The following FSTL5 variants were observed in gnomAD, a reference collection of about 807,000 sequenced individuals.
FSTL5 encodes follistatin like 5.
In FSTL5, 62 loss-of-function variants were observed where a neutral mutation model predicts 89.1. The observed-to-expected ratio is 0.70, with a 90% confidence interval of 0.57 to 0.86. The LOEUF is 0.86. FSTL5 is among the 40% of genes least tolerant of loss of function. The probability of loss-of-function intolerance (pLI) is 0.00; values close to 1 mark genes in which losing one functional copy is unlikely to be tolerated. For synonymous variants in FSTL5, 383 were observed against 346.2 expected, an observed-to-expected ratio of 1.11 and a Z score of -1.18; for missense variants, 1,057 against 1,001.6, an observed-to-expected ratio of 1.06 and a Z score of -0.75.
chr4:161,954,517 A>G (rs1734977901), intron 3 of FSTL5, among the ~76,000 whole-genome samples: 1 of 151,650 alleles, frequency 6.6e-6, no homozygotes, highest in South Asian at 2.1e-4. Context: ...ATATACCTGT[A>G]AAGTATGTGT....
chr4:161,431,996 A>T (rs2126342785), intron 15 of FSTL5, among the ~76,000 whole-genome samples: 1 of 152,262 alleles, frequency 6.6e-6, no homozygotes, highest in African/African-American at 2.4e-5. Context: ...AAAGAGAAAT[A>T]GACCCTAATA....
At chr4:161,686,487 T>C (rs1357162416) in intron 6 of FSTL5, among the ~76,000 whole-genome samples, 1 of 148,380 alleles carries the variant, frequency 6.7e-6, no homozygotes, top group African/African-American at 2.5e-5. Context: ...GCCTCCTGAG[T>C]AGCTGGGACC....
chr4:161,555,129 A>G (rs72687525), intron 8 of FSTL5, among the ~76,000 whole-genome samples: 11,334 of 151,666 alleles, frequency 0.075, 536 homozygotes, highest in Middle Eastern at 0.17. Context: ...TCTTAGGGTC[A>G]TAAACTTCGG....
intron 7 of FSTL5, among the ~76,000 whole-genome samples, chr4:161,648,943 C>A (rs541957900): frequency 4.7e-4 from 72 of 152,244 alleles, no homozygotes; most frequent in African/African-American, 1.6e-3. Flanking sequence ...GTTCTTCGGG[C>A]AATGGTTCAG....
chr4:162,001,168 T>C (rs1736452023), intron 3 of FSTL5, among the ~76,000 whole-genome samples: 1 of 152,196 alleles, frequency 6.6e-6, no homozygotes, highest in Admixed American at 6.5e-5. Flanking sequence ...CAAATAAGAA[T>C]TAGCAGCTAC....
chr4:161,527,707 C>G (rs1731273723), intron 10 of FSTL5, among the ~76,000 whole-genome samples: 1 of 151,668 alleles, frequency 6.6e-6, no homozygotes, highest in African/African-American at 2.4e-5. Flanking sequence ...GGACTGTAAA[C>G]TAGTTCAACC....
chr4:161,830,019 C>A (rs1231590642), intron 4 of FSTL5, among the ~76,000 whole-genome samples: 1 of 152,042 alleles, frequency 6.6e-6, no homozygotes, highest in East Asian at 1.9e-4. Flanking sequence ...ATCTCAGAAT[C>A]ATCTTACTGT....
chr4:161,811,534 G>A (rs914907665), intron 4 of FSTL5, among the ~76,000 whole-genome samples: 7 of 152,144 alleles, frequency 4.6e-5, no homozygotes, highest in Admixed American at 3.9e-4. Context: ...TGACTCTATT[G>A]AGTAGGGAGT....
chr4:161,663,943 A>C (rs965111205), intron 6 of FSTL5, among the ~76,000 whole-genome samples: 6 of 152,180 alleles, frequency 3.9e-5, no homozygotes, highest in Non-Finnish European at 7.4e-5. Context: ...GAAACTGCCA[A>C]GGCTTGTGGC....
At chr4:162,058,942 T>C (rs1452037618) in intron 2 of FSTL5, among the ~76,000 whole-genome samples, 1 of 152,172 alleles carries the variant, frequency 6.6e-6, no homozygotes, top group Non-Finnish European at 1.5e-5. Context: ...ATAATTGTAT[T>C]GAAAATGTGA....
intron 15 of FSTL5, among the ~76,000 whole-genome samples, chr4:161,398,533 T>C (rs146574046): frequency 6.6e-6 from 1 of 152,208 alleles, no homozygotes; most frequent in Admixed American, 6.5e-5. Flanking sequence ...CTTTTCTTCT[T>C]ACCATATACA....
At chr4:161,524,260 GC>G (rs1731132079) in intron 10 of FSTL5, among the ~76,000 whole-genome samples, 1 of 151,132 alleles carries the variant, frequency 6.6e-6, no homozygotes, top group South Asian at 2.1e-4. Context: ...AGCCCACCCC[GC>G]CCACCACAAC....
intron 3 of FSTL5, among the ~76,000 whole-genome samples, chr4:161,999,921 C>T (rs1372419472): frequency 2.0e-5 from 3 of 152,136 alleles, no homozygotes; most frequent in Admixed American, 6.5e-5. Context: ...CCAAGTAAAA[C>T]ACAAGCAGAT....
At chr4:161,447,693 AAG>A (rs1157301761) in intron 15 of FSTL5, among the ~76,000 whole-genome samples, 2 of 152,130 alleles carry the variant, frequency 1.3e-5, no homozygotes, top group African/African-American at 4.8e-5. Flanking sequence ...TAATGAAAAA[AAG>A]AGAGTGGCAT....
intron 3 of FSTL5, among the ~76,000 whole-genome samples, chr4:161,922,874 TTACATGA>T (rs1157974217): frequency 6.6e-6 from 1 of 151,986 alleles, no homozygotes. Context: ...TTTGCTATTT[TTACATGA>T]TTGCTTTTTA....
At position 161,920,554 on chromosome 4, in the gene FSTL5, A is replaced by C. The variant is rs777725939; in HGVS notation, c.259T>G (p.Cys87Gly). The change falls in exon 4 of 16, where the codon TGT becomes GGT. Residue 87 changes from cysteine to glycine, a missense_variant. Coordinates refer to ENST00000306100, the MANE Select transcript of FSTL5 (RefSeq NM_020116.5). ...CGTTTGCAAAGGTCCATACAGGCACATTCTGCTTGCCCTGTCTCTCTGCTG... is the reference window on the plus strand; with the variant it reads ...CGTTTGCAAAGGTCCATACAGGCACCTTCTGCTTGCCCTGTCTCTCTGCTG... ...VTSRETGQAE[C>G]ACMDLCKRHY... The C allele has an allele frequency of 1.2e-6, 2 of 1,613,950 alleles. No individual in the cohort carries two copies. The highest frequency in any genetic ancestry group is 2.7e-5 in the African/African-American group (2 of 74,916).
intron 15 of FSTL5, among the ~76,000 whole-genome samples, chr4:161,391,566 T>C (rs1457449315): frequency 6.6e-6 from 1 of 152,178 alleles, no homozygotes; most frequent in Non-Finnish European, 1.5e-5. Context: ...AAGGAATTTA[T>C]ATTTAGTTTT....
intron 11 of FSTL5, among the ~76,000 whole-genome samples, chr4:161,504,483 T>C (rs555684561): frequency 2.0e-5 from 3 of 151,678 alleles, no homozygotes; most frequent in Non-Finnish European, 4.4e-5. Context: ...TTTTTGTTTT[T>C]TTTTTCCTTT....
chr4:162,083,414 T>C (rs888833968), intron 2 of FSTL5, among the ~76,000 whole-genome samples: 4 of 151,748 alleles, frequency 2.6e-5, no homozygotes, highest in African/African-American at 7.2e-5. Flanking sequence ...AATTAGATAG[T>C]TCAACTTTAG....
Sources: allele counts gnomAD v4.1 joint callset (sites outside exome capture counted in the v4.1 genomes callset), GRCh38; gene constraint gnomAD v4.1.1; transcripts MANE v1.5; gene names NCBI Gene and HGNC (gene_info 2026-07-23, HGNC 2026-07-21).